Variants in TEC observed in about 807,000 individuals in gnomAD.
The protein encoded by TEC is tec protein tyrosine kinase.
In TEC, 72 loss-of-function variants were observed where a neutral mutation model predicts 93.0. The ratio of observed to expected loss-of-function variants is 0.77; its 90% CI spans 0.64 to 0.94. The LOEUF is 0.94. Ranked by LOEUF, TEC falls within the 40% of genes least tolerant of loss-of-function variation. The pLI is 0.00. For missense variants in TEC, 630 were observed against 757.9 expected (o/e 0.83, Z 1.98); for synonymous variants, 249 against 247.7 (o/e 1.01, Z -0.05).
chr4:48,137,231 C>A lies in TEC; in HGVS notation c.*185G>T. The stretch of plus-strand genomic sequence containing the variant: ...ATCACCATTTCTAAGGCAACATTTC[C>A]ACACTCTGGGAGATTCTGTCTAGAA... On this transcript the variant is annotated 3_prime_UTR_variant, in exon 18 of 18. Coordinates refer to ENST00000381501, the MANE Select transcript of TEC (RefSeq NM_003215.3). The A allele has an allele frequency of 1.7e-6, 1 of 573,256 alleles. No individual in the cohort carries two copies. The highest frequency in any genetic ancestry group is 3.1e-6 in the Non-Finnish European group (1 of 323,148). 35.5% of individuals were successfully genotyped at this position (573,256 alleles called of 1,614,324 possible). A position where few individuals can be genotyped will look rare whatever the true frequency, so the allele number is the denominator to read the frequency against.
intron 1 of TEC, among the ~76,000 whole-genome samples, chr4:48,251,278 CACATA>C (rs1724190188): frequency 6.6e-6 from 1 of 152,278 alleles, no homozygotes; most frequent in East Asian, 1.9e-4. Context: ...GGGGTCTTGG[CACATA>C]ATGTTCTCTC....
chr4:48,160,082 C>T (rs1434864248), intron 8 of TEC, among the ~76,000 whole-genome samples: 1 of 152,214 alleles, frequency 6.6e-6, no homozygotes, highest in Admixed American at 6.5e-5. Flanking sequence ...TACCTCATTT[C>T]ATCCTCACAA....
At chr4:48,145,896 GTTT>G (rs1050590797) in intron 12 of TEC, among the ~76,000 whole-genome samples, 1 of 148,716 alleles carries the variant, frequency 6.7e-6, no homozygotes, top group Non-Finnish European at 1.5e-5. Flanking sequence ...TCCTTCTCAG[GTTT>G]TTTTTTTGTT....
chr4:48,137,640 G>T, intron 17 of TEC, 141 bp from the exon 18 acceptor site: 1 of 667,618 alleles, frequency 1.5e-6, no homozygotes, highest in East Asian at 2.7e-5. Context: ...CTCCAAAGGG[G>T]TCTTGTCTCT....
intron 1 of TEC, among the ~76,000 whole-genome samples, chr4:48,249,526 G>A (rs557660386): frequency 6.6e-6 from 1 of 152,324 alleles, no homozygotes; most frequent in East Asian, 1.9e-4. Context: ...TTAAATGCTA[G>A]TATGTGCCTT....
chr4:48,155,953 A>G (rs1720382103), intron 9 of TEC: 1 of 152,250 alleles, frequency 6.6e-6, no homozygotes, highest in Non-Finnish European at 1.5e-5. Context: ...TTGAGAGCCA[A>G]ACTGAAGCAC....
At chr4:48,212,715 G>T (rs1722953079) in intron 2 of TEC, among the ~76,000 whole-genome samples, 1 of 152,216 alleles carries the variant, frequency 6.6e-6, no homozygotes, top group Non-Finnish European at 1.5e-5. Flanking sequence ...CAGTGAAGTT[G>T]AGAGTCCCGT....
chr4:48,236,680 C>G (rs2109650633), intron 1 of TEC, among the ~76,000 whole-genome samples: 1 of 152,306 alleles, frequency 6.6e-6, no homozygotes, highest in Admixed American at 6.5e-5. Context: ...GCCTTGGCGG[C>G]TAACTGCTAA....
At chr4:48,232,842 A>T (rs930079535) in intron 1 of TEC, among the ~76,000 whole-genome samples, 1 of 152,246 alleles carries the variant, frequency 6.6e-6, no homozygotes, top group Non-Finnish European at 1.5e-5. Context: ...AAACAACCCA[A>T]TTTCTTCTGC....
At chr4:48,201,958 T>TTTTTTC (rs1722531391) in intron 2 of TEC, among the ~76,000 whole-genome samples, 1 of 145,456 alleles carries the variant, frequency 6.9e-6, no homozygotes, top group Non-Finnish European at 1.5e-5. Context: ...GCTTATTTTT[T>TTTTTTC]TTTTTTTTTT....
intron 1 of TEC, among the ~76,000 whole-genome samples, chr4:48,231,317 A>C (rs1470614419): frequency 3.3e-5 from 5 of 152,224 alleles, no homozygotes; most frequent in African/African-American, 4.8e-5. Context: ...CCCTTTTTGC[A>C]TCTAAGTTGG....
chr4:48,177,676 T>C (rs12502268), intron 2 of TEC, among the ~76,000 whole-genome samples: 58,754 of 152,048 alleles, frequency 0.39, 12,346 homozygotes, highest in East Asian at 0.9. Flanking sequence ...TGATATGGTC[T>C]GGCTCTGTGT....
rs191200151 is a variant in TEC, at chr4:48,144,817, T to C, written c.1470+262A>G. ...TGATGGTAAGAGAATCCACTGTGAGTAGCTATCTCATGGGATTCTTATGGA... is the reference window on the plus strand; with the variant it reads ...TGATGGTAAGAGAATCCACTGTGAGCAGCTATCTCATGGGATTCTTATGGA... On this transcript the variant is annotated intron_variant, in intron 14 of 17. Coordinates refer to ENST00000381501, the MANE Select transcript of TEC (RefSeq NM_003215.3). Among the ~76,000 whole-genome samples, 5 of 152,302 alleles carry C rather than the reference T, an allele frequency of 3.3e-5. No homozygotes were observed. The East Asian group carries it at 9.6e-4, about 29-fold the overall frequency.
At chr4:48,250,580 C>T (rs577233628) in intron 1 of TEC, among the ~76,000 whole-genome samples, 17 of 152,270 alleles carry the variant, frequency 1.1e-4, no homozygotes, top group Non-Finnish European at 2.4e-4. Context: ...TGCTTCTTTG[C>T]GATCACCGTG....
At chr4:48,191,939 A>G (rs1048580232) in intron 2 of TEC, among the ~76,000 whole-genome samples, 1 of 152,198 alleles carries the variant, frequency 6.6e-6, no homozygotes, top group Non-Finnish European at 1.5e-5. Flanking sequence ...ACCATAAAAG[A>G]TATGCAGGTG....
At chr4:48,241,985 T>C (rs1029962980) in intron 1 of TEC, among the ~76,000 whole-genome samples, 2 of 152,210 alleles carry the variant, frequency 1.3e-5, no homozygotes, top group African/African-American at 4.8e-5. Flanking sequence ...GAACAAGAAA[T>C]GATCTTTGTT....
intron 14 of TEC, 77 bp from the exon 15 acceptor site, chr4:48,141,496 ATTAAAT>A (rs1369474636): frequency 1.4e-6 from 2 of 1,430,128 alleles, no homozygotes; most frequent in Non-Finnish European, 1.9e-6. Context: ...TTCTATTTAT[ATTAAAT>A]TTAGTGTAAC....
rs757601498 is a variant in TEC at position 48,138,921 on chromosome 4, G to C, written c.1637C>G (p.Ser546Ter). 1 of 1,614,178 alleles carries C rather than the reference G, an allele frequency of 6.2e-7. No homozygotes were observed. Among genetic ancestry groups the C allele is most frequent in the Non-Finnish European group, 8.5e-7 (1 of 1,180,028 alleles). Residue 546 changes from serine (S) to a stop codon, truncating the protein, a stop_gained, in exon 16 of 18, where the codon TCA becomes TGA. Transcript: ENST00000381501. LOFTEE classifies it high-confidence loss of function. ...VFNYSRFSSK[S>*]DVWSFGVLMW... is the part of the protein sequence containing the mutation. ...GATCTTACCAAATGACCAGACATCT[G>C]ATTTGCTGCTGAAGCGGCTGTAATT...
chr4:48,253,318 ACT>A (rs1724258725), intron 1 of TEC, among the ~76,000 whole-genome samples: 2 of 151,246 alleles, frequency 1.3e-5, no homozygotes, highest in Non-Finnish European at 3.0e-5. Context: ...CCACATAACT[ACT>A]CTGTCCTGAA....
Sources: allele counts gnomAD v4.1 joint callset (sites outside exome capture counted in the v4.1 genomes callset), GRCh38; gene constraint gnomAD v4.1.1; transcripts MANE v1.5; gene names NCBI Gene and HGNC (gene_info 2026-07-23, HGNC 2026-07-21).